The following PDSS2 variants were observed in gnomAD, a reference collection of about 807,000 sequenced individuals.
The protein encoded by PDSS2 is decaprenyl diphosphate synthase subunit 2.
In PDSS2, 31 loss-of-function variants were observed where a neutral mutation model predicts 44.5. The observed-to-expected ratio is 0.70, with a 90% CI of 0.52 to 0.94. The LOEUF is 0.94. Among genes scored for constraint, PDSS2 ranks in the 40% least tolerant of loss-of-function variants. The pLI is 0.00. For missense variants in PDSS2, 452 were observed against 482.2 expected (o/e 0.94, Z 0.59); for synonymous variants, 157 against 180.3 (o/e 0.87, Z 1.03).
At position 107,173,396 on chromosome 6, in the gene PDSS2, A is replaced by G. The variant is rs531461126; in HGVS notation, c.1042-18619T>C. ...TGAGACCATCCTCGCCAACATGGTG[A>G]AACCCTGTCTCTACTAAAAATACAA... On this transcript the variant is annotated intron_variant, in intron 7 of 7. Transcript: ENST00000369037. Among the ~76,000 whole-genome samples the G allele has an allele frequency of 2.0e-5, 3 of 151,634 alleles. No homozygotes were observed. In the East Asian group the frequency reaches 5.9e-4, roughly 30 times the overall value.
intron 1 of PDSS2, among the ~76,000 whole-genome samples, chr6:107,426,154 C>A (rs1161422957): frequency 6.6e-6 from 1 of 152,078 alleles, no homozygotes; most frequent in African/African-American, 2.4e-5. Flanking sequence ...ATTTTATGGA[C>A]CAGGCCCAGG....
At chr6:107,308,757 A>T (rs1444269248) in intron 2 of PDSS2, among the ~76,000 whole-genome samples, 1 of 152,244 alleles carries the variant, frequency 6.6e-6, no homozygotes, top group Admixed American at 6.5e-5. Context: ...GGCTGCCACC[A>T]TAATGTGCTG....
At chr6:107,440,450 C>T (rs1461866001) in intron 1 of PDSS2, among the ~76,000 whole-genome samples, 1 of 152,232 alleles carries the variant, frequency 6.6e-6, no homozygotes, top group Non-Finnish European at 1.5e-5. Flanking sequence ...CCTATGACAA[C>T]ATAGACAAGG....
intron 2 of PDSS2, among the ~76,000 whole-genome samples, chr6:107,325,857 A>G (rs1777527952): frequency 6.6e-6 from 1 of 152,084 alleles, no homozygotes; most frequent in African/African-American, 2.4e-5. Flanking sequence ...TTGTCTTTTG[A>G]CTTCATGGGA....
intron 1 of PDSS2, among the ~76,000 whole-genome samples, chr6:107,384,873 G>A (rs1455577078): frequency 1.3e-5 from 2 of 151,998 alleles, no homozygotes; most frequent in African/African-American, 4.8e-5. Context: ...CACAAAAACT[G>A]TCCAAAATTT....
chr6:107,191,053 A>G (rs537370772), intron 7 of PDSS2, among the ~76,000 whole-genome samples: 357 of 152,156 alleles, frequency 2.3e-3, no homozygotes, highest in Non-Finnish European at 4.4e-3. Context: ...CACCATGCCC[A>G]GCTAATTTTT....
At chr6:107,390,500 G>A (rs942332444) in intron 1 of PDSS2, among the ~76,000 whole-genome samples, 1 of 152,108 alleles carries the variant, frequency 6.6e-6, no homozygotes. Flanking sequence ...GGAAAATAAG[G>A]AGATATTACA....
chr6:107,248,246 A>G (rs1323346270), intron 3 of PDSS2, among the ~76,000 whole-genome samples: 17 of 152,112 alleles, frequency 1.1e-4, no homozygotes, highest in Admixed American at 1.1e-3. Flanking sequence ...ATTCTTGAGG[A>G]GTGACATGTT....
chr6:107,368,106 T>G (rs183788567), intron 1 of PDSS2, among the ~76,000 whole-genome samples: 206 of 151,688 alleles, frequency 1.4e-3, no homozygotes, highest in African/African-American at 4.6e-3. Flanking sequence ...CTGTCTCTAC[T>G]AAAAATACAA....
At chr6:107,287,268 G>A (rs1776185995) in intron 2 of PDSS2, among the ~76,000 whole-genome samples, 3 of 152,206 alleles carry the variant, frequency 2.0e-5, no homozygotes, top group Middle Eastern at 3.4e-3. Context: ...TTGGAGCCAA[G>A]CTCTTCAGCT....
intron 1 of PDSS2, among the ~76,000 whole-genome samples, chr6:107,345,733 C>A (rs1176519049): frequency 6.6e-6 from 1 of 151,944 alleles, no homozygotes. Flanking sequence ...GAAAAACATT[C>A]AAAATGTAAA....
chr6:107,393,479 C>T (rs930784043), intron 1 of PDSS2, among the ~76,000 whole-genome samples: 2 of 152,052 alleles, frequency 1.3e-5, no homozygotes, highest in Non-Finnish European at 2.9e-5. Context: ...TTACTCTGTA[C>T]TTGTTTGGAG....
At chr6:107,227,346 TG>T (rs1331944347) in intron 4 of PDSS2, among the ~76,000 whole-genome samples, 1 of 135,230 alleles carries the variant, frequency 7.4e-6, no homozygotes, top group South Asian at 2.4e-4. Flanking sequence ...TGGAGTGCAG[TG>T]GCACGATCTT....
At chr6:107,207,337 T>C (rs1324430300) in intron 6 of PDSS2, among the ~76,000 whole-genome samples, 1 of 151,936 alleles carries the variant, frequency 6.6e-6, no homozygotes, top group Admixed American at 6.6e-5. Flanking sequence ...AATTCAAAAC[T>C]GAAGGAGAGG....
chr6:107,383,298 C>CAAAAAAAA (rs35910650), intron 1 of PDSS2, among the ~76,000 whole-genome samples: 7 of 28,438 alleles, frequency 2.5e-4, no homozygotes, highest in East Asian at 2.1e-3. Flanking sequence ...GACTCCATCT[C>CAAAAAAAA]AAAAAAAAAA....
chr6:107,261,037 T>C (rs1259246164), intron 3 of PDSS2, among the ~76,000 whole-genome samples: 1 of 152,162 alleles, frequency 6.6e-6, no homozygotes, highest in Non-Finnish European at 1.5e-5. Context: ...CAAGTTTGAG[T>C]GATTCAGTAC....
At chr6:107,319,396 T>C (rs574962673) in intron 2 of PDSS2, among the ~76,000 whole-genome samples, 2 of 152,320 alleles carry the variant, frequency 1.3e-5, no homozygotes, top group South Asian at 4.1e-4. Context: ...AACCAGCTTT[T>C]GCTACGTTCC....
chr6:107,230,041 C>A, intron 4 of PDSS2: 1 of 205,010 alleles, frequency 4.9e-6, no homozygotes, highest in East Asian at 1.2e-4. Context: ...AAGATATAGC[C>A]TGTGTGAGAA....
chr6:107,313,959 T>C (rs1322229652), intron 2 of PDSS2, among the ~76,000 whole-genome samples: 1 of 152,070 alleles, frequency 6.6e-6, no homozygotes, highest in Admixed American at 6.6e-5. Context: ...AAGACCAGCC[T>C]GGGCAACATA....
Sources: gnomAD v4.1 joint callset for allele counts (sites outside exome capture counted in the v4.1 genomes callset) on GRCh38, gnomAD v4.1.1 for gene constraint, MANE v1.5 for transcripts, NCBI Gene and HGNC (gene_info 2026-07-23, HGNC 2026-07-21) for gene names.